Variants in MACROD2 observed in about 807,000 individuals in gnomAD.
MACROD2 encodes mono-ADP ribosylhydrolase 2, also known as ADP-ribose glycohydrolase MACROD2.
MACROD2 carries 36 observed loss-of-function variants against 70.4 expected under a neutral mutation model. That is an observed-to-expected ratio of 0.51 (90% confidence interval 0.39 to 0.68). The LOEUF is 0.68. Ranked by LOEUF, MACROD2 falls within the 30% of genes least tolerant of loss-of-function variation. The pLI, the probability that MACROD2 is intolerant of heterozygous loss-of-function variation, is 0.00. For synonymous variants in MACROD2, 172 were observed against 178.8 expected (o/e 0.96, Z 0.30); for missense variants, 496 against 538.4 (o/e 0.92, Z 0.78).
In MACROD2 at chr20:15,763,670, A is replaced by C. The variant is rs182199243; in HGVS notation, c.646-99075A>C. ...ATATGGACAGAAATCAGATCCAAAT[A>C]ATCTTGCCTTAAAAAAAAAACACAG... is the stretch of plus-strand genomic sequence containing the variant. On this transcript the variant is annotated intron_variant, in intron 8 of 17. Coordinates refer to ENST00000684519, the MANE Select transcript of MACROD2 (RefSeq NM_001351661.2). 3.7e-3 allele frequency among the ~76,000 whole-genome samples: 454 copies of C among 124,010 alleles called. 12 individuals carry two copies. In the South Asian group the frequency reaches 0.082, roughly 22 times the overall value. The allele number at this position is 124,010 out of a possible 152,430, so 81.4% of individuals were successfully genotyped here. A position where few individuals can be genotyped will look rare whatever the true frequency, so the allele number is the denominator to read the frequency against.
At chr20:15,816,737 C>T (rs535985037) in intron 8 of MACROD2, among the ~76,000 whole-genome samples, 1 of 152,302 alleles carries the variant, frequency 6.6e-6, no homozygotes, top group Non-Finnish European at 1.5e-5. Context: ...CTGTACTAGG[C>T]ATTACGATGG....
At chr20:14,542,286 CT>C (rs1394616329) in intron 4 of MACROD2, among the ~76,000 whole-genome samples, 3 of 152,208 alleles carry the variant, frequency 2.0e-5, no homozygotes, top group Non-Finnish European at 4.4e-5. Flanking sequence ...ATAGGCATCA[CT>C]TCATGTGCTG....
intron 3 of MACROD2, among the ~76,000 whole-genome samples, chr20:14,473,068 A>T (rs2084548736): frequency 6.6e-6 from 1 of 152,184 alleles, no homozygotes; most frequent in South Asian, 2.1e-4. Flanking sequence ...ATACATATTT[A>T]TGGAGTAGAA....
At chr20:15,776,255 A>G (rs2051719911) in intron 8 of MACROD2, among the ~76,000 whole-genome samples, 1 of 151,996 alleles carries the variant, frequency 6.6e-6, no homozygotes, top group Non-Finnish European at 1.5e-5. Context: ...CCTCACACAC[A>G]TACTCCCAAG....
intron 2 of MACROD2, among the ~76,000 whole-genome samples, chr20:14,036,287 C>T (rs1203627661): frequency 6.6e-6 from 1 of 152,188 alleles, no homozygotes; most frequent in African/African-American, 2.4e-5. Context: ...AGTAGTCTCC[C>T]ATTCCTAGCA....
chr20:14,085,180 G>A (rs1482029025), intron 2 of MACROD2, among the ~76,000 whole-genome samples: 1 of 149,774 alleles, frequency 6.7e-6, no homozygotes, highest in Non-Finnish European at 1.5e-5. Context: ...AAAAAAGGAA[G>A]TAGCAAAGAG....
intron 8 of MACROD2, among the ~76,000 whole-genome samples, chr20:15,684,201 T>C (rs914609397): frequency 6.6e-6 from 1 of 152,192 alleles, no homozygotes; most frequent in African/African-American, 2.4e-5. Flanking sequence ...TGTGATTTCT[T>C]CCTATACAGA....
At chr20:15,713,240 G>A (rs966458948) in intron 8 of MACROD2, among the ~76,000 whole-genome samples, 2 of 152,128 alleles carry the variant, frequency 1.3e-5, no homozygotes, top group Non-Finnish European at 2.9e-5. Context: ...GTATCTCAGA[G>A]TTTAAAAAAG....
chr20:15,896,483 T>C (rs1204445460), intron 10 of MACROD2, among the ~76,000 whole-genome samples: 1 of 152,004 alleles, frequency 6.6e-6, no homozygotes, highest in African/African-American at 2.4e-5. Context: ...AAGTACAGAC[T>C]GCAAATGCTT....
At chr20:15,340,770 C>T (rs1428748912) in intron 6 of MACROD2, among the ~76,000 whole-genome samples, 1 of 146,736 alleles carries the variant, frequency 6.8e-6, no homozygotes, top group East Asian at 2.0e-4. Flanking sequence ...CCCGCAAACA[C>T]ACACTTTTTT....
intron 5 of MACROD2, among the ~76,000 whole-genome samples, chr20:14,735,506 T>A (rs900184698): frequency 1.3e-5 from 2 of 152,066 alleles, no homozygotes; most frequent in Non-Finnish European, 2.9e-5. Flanking sequence ...TTGGTGAGAA[T>A]GCGGAGAAAT....
intron 4 of MACROD2, chr20:14,626,978 C>T (rs150510286): frequency 4.6e-5 from 7 of 152,274 alleles, no homozygotes; most frequent in Admixed American, 1.3e-4. Context: ...AGGATGGAGA[C>T]AATGAATATC....
rs1306011620 is a variant in MACROD2, at chr20:15,634,279, T to C, written c.645+134432T>C. Among the ~76,000 whole-genome samples, 4 of 152,210 alleles carry C rather than the reference T, an allele frequency of 2.6e-5. No homozygotes were observed. The East Asian group carries it at 5.8e-4, about 22-fold the overall frequency. On this transcript the variant is annotated intron_variant, in intron 8 of 17. Transcript: ENST00000684519. ...AGTGGCTAATTGGAAGTTCATAGGG[T>C]GTGTTTCCATATGCTTATTATAAAG... is the stretch of plus-strand genomic sequence containing the variant.
At chr20:14,525,712 C>G in intron 4 of MACROD2, among the ~76,000 whole-genome samples, 1 of 152,366 alleles carries the variant, frequency 6.6e-6, no homozygotes, top group East Asian at 1.9e-4. Flanking sequence ...TCTGCATCTT[C>G]AATGCCATTT....
At chr20:14,590,763 G>C (rs913248128) in intron 4 of MACROD2, among the ~76,000 whole-genome samples, 6 of 151,740 alleles carry the variant, frequency 4.0e-5, no homozygotes, top group African/African-American at 1.5e-4. Flanking sequence ...ATAATATTTT[G>C]CGTATTTAGA....
chr20:14,767,093 C>T (rs977005797), intron 5 of MACROD2, among the ~76,000 whole-genome samples: 4 of 151,962 alleles, frequency 2.6e-5, no homozygotes, highest in African/African-American at 9.7e-5. Flanking sequence ...CTTTGGGAGG[C>T]CAAAGCAGGA....
intron 4 of MACROD2, among the ~76,000 whole-genome samples, chr20:14,542,829 A>C (rs938384076): frequency 6.6e-6 from 1 of 152,194 alleles, no homozygotes; most frequent in Non-Finnish European, 1.5e-5. Context: ...TTATAATAGG[A>C]TATAGGGTAA....
At chr20:14,044,723 A>G (rs561186745) in intron 2 of MACROD2, among the ~76,000 whole-genome samples, 31 of 152,224 alleles carry the variant, frequency 2.0e-4, no homozygotes, top group African/African-American at 7.2e-4. Flanking sequence ...AGACATAAAG[A>G]TTCTTCAAGT....
chr20:15,768,965 A>G (rs1372814940), intron 8 of MACROD2, among the ~76,000 whole-genome samples: 1 of 152,122 alleles, frequency 6.6e-6, no homozygotes, highest in Non-Finnish European at 1.5e-5. Flanking sequence ...GGGGTGATAT[A>G]CTCATGGAGC....
Sources: gnomAD v4.1 joint callset for allele counts (sites outside exome capture counted in the v4.1 genomes callset) on GRCh38, gnomAD v4.1.1 for gene constraint, MANE v1.5 for transcripts, NCBI Gene and HGNC (gene_info 2026-07-23, HGNC 2026-07-21) for gene names.